CSMD3: variants seen among roughly 807,000 people sequenced by gnomAD.
CSMD3 encodes the protein CUB and sushi domain-containing protein 3.
CSMD3 carries 177 observed loss-of-function variants against 435.2 expected under a neutral mutation model. The ratio of observed to expected loss-of-function variants is 0.41; its 90% confidence interval spans 0.36 to 0.46. The LOEUF (loss-of-function observed/expected upper bound fraction) is 0.46. CSMD3 is among the 20% of genes least tolerant of loss of function. The pLI is 0.34. For missense variants in CSMD3, 4,265 were observed against 4,504.6 expected (o/e 0.95, Z 1.52); for synonymous variants, 1,656 against 1,520.5 (o/e 1.09, Z -2.07).
intron 30 of CSMD3, among the ~76,000 whole-genome samples, chr8:112,498,811 C>T (rs1821640176): frequency 1.4e-5 from 2 of 147,662 alleles, no homozygotes; most frequent in Non-Finnish European, 3.0e-5. Context: ...AAGCCAAGTT[C>T]TCATGTATAA....
intron 7 of CSMD3, among the ~76,000 whole-genome samples, chr8:112,975,140 T>C (rs1008707664): frequency 1.3e-5 from 2 of 151,938 alleles, no homozygotes; most frequent in Non-Finnish European, 2.9e-5. Context: ...TAGGCTTATA[T>C]TAACTGAGTA....
chr8:112,241,841 T>TTCACACACAC, intron 65 of CSMD3, 56 bp from the exon 66 acceptor site: 4 of 798,952 alleles, frequency 5.0e-6, no homozygotes, highest in African/African-American at 2.7e-5. Context: ...TACATACACA[T>TTCACACACAC]GCGCACACAC....
chr8:113,217,043 A>G (rs1347881933), intron 3 of CSMD3, among the ~76,000 whole-genome samples: 2 of 151,788 alleles, frequency 1.3e-5, no homozygotes, highest in African/African-American at 4.8e-5. Flanking sequence ...TAATAAATAA[A>G]CTTCACCGAT....
chr8:113,114,272 A>G (rs181902395), intron 4 of CSMD3, among the ~76,000 whole-genome samples: 1 of 152,312 alleles, frequency 6.6e-6, no homozygotes, highest in East Asian at 1.9e-4. Context: ...GGGTTTCAAT[A>G]GAACGTGTGA....
chr8:112,670,472 A>G (rs2075630986), intron 16 of CSMD3, among the ~76,000 whole-genome samples: 1 of 152,212 alleles, frequency 6.6e-6, no homozygotes, highest in Non-Finnish European at 1.5e-5. Flanking sequence ...GGATTGCAGC[A>G]GTACACCTGG....
At chr8:112,686,137 T>C (rs938733367) in intron 14 of CSMD3, among the ~76,000 whole-genome samples, 12 of 152,170 alleles carry the variant, frequency 7.9e-5, no homozygotes, top group African/African-American at 2.9e-4. Context: ...AAGAATCCGG[T>C]AGCTCAGAAA....
At chr8:112,914,925 A>G (rs1287451723) in intron 10 of CSMD3, among the ~76,000 whole-genome samples, 1 of 151,930 alleles carries the variant, frequency 6.6e-6, no homozygotes, top group African/African-American at 2.4e-5. Flanking sequence ...TAACTGTAGT[A>G]TATTTAAGTT....
chr8:112,261,321 C>T (rs1816377397), intron 61 of CSMD3, among the ~76,000 whole-genome samples: 1 of 151,982 alleles, frequency 6.6e-6, no homozygotes, highest in Non-Finnish European at 1.5e-5. Context: ...ACATAACTTG[C>T]ATTAAATTAT....
At chr8:113,332,771 A>C (rs569375859) in intron 1 of CSMD3, among the ~76,000 whole-genome samples, 2 of 151,858 alleles carry the variant, frequency 1.3e-5, no homozygotes, top group Non-Finnish European at 3.0e-5. Flanking sequence ...AAAATTGACA[A>C]GTTGATGCCA....
At chr8:112,407,707 T>C (rs1486600416) in intron 34 of CSMD3, among the ~76,000 whole-genome samples, 1 of 152,026 alleles carries the variant, frequency 6.6e-6, no homozygotes, top group Non-Finnish European at 1.5e-5. Context: ...GCAAGATACA[T>C]TTGAGATTAA....
intron 1 of CSMD3, among the ~76,000 whole-genome samples, chr8:113,407,459 G>A (rs2094537667): frequency 6.6e-6 from 1 of 152,014 alleles, no homozygotes; most frequent in South Asian, 2.1e-4. Context: ...TCTTTGCACT[G>A]CATAGACTCA....
At chr8:113,147,610 C>T (rs1046561257) in intron 4 of CSMD3, among the ~76,000 whole-genome samples, 7 of 151,830 alleles carry the variant, frequency 4.6e-5, no homozygotes, top group Middle Eastern at 6.8e-3. Flanking sequence ...TGAAACACTA[C>T]TGTTCTGTTC....
chr8:113,268,893 T>C (rs2093495166), intron 3 of CSMD3, among the ~76,000 whole-genome samples: 1 of 152,026 alleles, frequency 6.6e-6, no homozygotes, highest in South Asian at 2.1e-4. Context: ...TTCAGATATA[T>C]TTTATACGTG....
At chr8:113,416,710 T>A (rs541888409) in intron 1 of CSMD3, among the ~76,000 whole-genome samples, 29 of 152,158 alleles carry the variant, frequency 1.9e-4, no homozygotes, top group Non-Finnish European at 3.5e-4. Flanking sequence ...AAGTGAAGAA[T>A]GTTCTACTAA....
At chr8:112,995,045 A>G (rs2085595020) in intron 6 of CSMD3, among the ~76,000 whole-genome samples, 1 of 151,524 alleles carries the variant, frequency 6.6e-6, no homozygotes, top group Non-Finnish European at 1.5e-5. Context: ...TATTTTCTAG[A>G]TTTAGAATTC....
chr8:113,084,638 A>C (rs1388190908), intron 5 of CSMD3, among the ~76,000 whole-genome samples: 13 of 133,148 alleles, frequency 9.8e-5, no homozygotes, highest in Non-Finnish European at 8.0e-5. Flanking sequence ...AAAAAAAAAA[A>C]CCCATGAATA....
At chr8:112,920,916 TATACACACAC>T (rs2082715687) in intron 10 of CSMD3, among the ~76,000 whole-genome samples, 1 of 145,698 alleles carries the variant, frequency 6.9e-6, no homozygotes, top group Non-Finnish European at 1.5e-5. Context: ...TATATATATA[TATACACACAC>T]ACACACACAC....
intron 41 of CSMD3, among the ~76,000 whole-genome samples, chr8:112,343,647 T>C (rs1390391835): frequency 6.6e-6 from 1 of 152,286 alleles, no homozygotes; most frequent in African/African-American, 2.4e-5. Context: ...TTTTGTTTTT[T>C]CATTTCATTT....
intron 63 of CSMD3, among the ~76,000 whole-genome samples, chr8:112,251,838 T>C (rs1361358290): frequency 2.0e-5 from 3 of 151,886 alleles, no homozygotes; most frequent in Admixed American, 1.3e-4. Flanking sequence ...ATTTACTCCA[T>C]GGTTAATCCT....
Sources: allele counts gnomAD v4.1 joint callset (sites outside exome capture counted in the v4.1 genomes callset), GRCh38; gene constraint gnomAD v4.1.1; transcripts MANE v1.5; gene names NCBI Gene and HGNC (gene_info 2026-07-23, HGNC 2026-07-21).